Variants in GLIS3 observed in about 807,000 individuals in gnomAD.
GLIS3 encodes the protein GLIS family zinc finger 3.
In GLIS3, 53 loss-of-function variants were observed where a neutral mutation model predicts 78.6. That is an observed-to-expected ratio of 0.67 (90% CI 0.54 to 0.85). GLIS3 has a LOEUF of 0.85. Among genes scored for constraint, GLIS3 ranks in the 40% least tolerant of loss-of-function variants. The pLI is 0.00. For missense variants in GLIS3, 1,703 were observed against 1,231.1 expected (o/e 1.38, Z -5.74); for synonymous variants, 684 against 509.9 (o/e 1.34, Z -4.60).
chr9:4,455,045 C>T, the GLIS3 span, among the ~76,000 whole-genome samples: 1 of 151,950 alleles, frequency 6.6e-6, no homozygotes, highest in African/African-American at 2.4e-5. Flanking sequence ...TACCTTTTTC[C>T]AGAGTCCTGG....
At chr9:4,208,266 C>A (rs542214527) in intron 2 of GLIS3, among the ~76,000 whole-genome samples, 2 of 152,314 alleles carry the variant, frequency 1.3e-5, no homozygotes, top group Middle Eastern at 6.8e-3. Context: ...CAAAGGAGAT[C>A]TGATAATTAA....
chr9:4,136,177 G>A (rs901730687), intron 2 of GLIS3, among the ~76,000 whole-genome samples: 7 of 152,132 alleles, frequency 4.6e-5, no homozygotes, highest in African/African-American at 9.7e-5. Context: ...CCTCCATGGC[G>A]CTCACAACCT....
intron 2 of GLIS3, among the ~76,000 whole-genome samples, chr9:4,315,902 G>T (rs780804906): frequency 1.3e-5 from 2 of 152,114 alleles, no homozygotes; most frequent in African/African-American, 4.8e-5. Flanking sequence ...CAGATATCTC[G>T]TATTACCTCT....
chr9:3,860,696 T>C (rs1157821832), intron 8 of GLIS3, among the ~76,000 whole-genome samples: 1 of 152,112 alleles, frequency 6.6e-6, no homozygotes, highest in Non-Finnish European at 1.5e-5. Flanking sequence ...ACTAGCTGGG[T>C]AAACAAGTAA....
intron 4 of GLIS3, among the ~76,000 whole-genome samples, chr9:4,093,672 G>C (rs564018530): frequency 6.6e-6 from 1 of 152,288 alleles, no homozygotes; most frequent in Non-Finnish European, 1.5e-5. Context: ...CTTATCACAG[G>C]ACAAGGCACC....
chr9:4,068,897 C>A (rs538300938), intron 4 of GLIS3, among the ~76,000 whole-genome samples: 1 of 151,318 alleles, frequency 6.6e-6, no homozygotes, highest in South Asian at 2.1e-4. Context: ...CACACTTGGG[C>A]AATAAATCCT....
chr9:4,453,845 T>C, the GLIS3 span, among the ~76,000 whole-genome samples: 2 of 151,626 alleles, frequency 1.3e-5, no homozygotes, highest in Admixed American at 6.6e-5. Context: ...CGGGGGCTTG[T>C]CATGGGGTGG....
At chr9:4,433,235 C>G in the GLIS3 span, among the ~76,000 whole-genome samples, 1 of 152,118 alleles carries the variant, frequency 6.6e-6, no homozygotes, top group Non-Finnish European at 1.5e-5. Flanking sequence ...AGTTTGAGAC[C>G]AGCCTGGCCA....
At chr9:4,021,258 G>A (rs1249044694) in intron 4 of GLIS3, among the ~76,000 whole-genome samples, 2 of 152,054 alleles carry the variant, frequency 1.3e-5, no homozygotes, top group African/African-American at 4.8e-5. Context: ...CACATAATGT[G>A]GGCTATCAAA....
chr9:4,058,450 A>T (rs112848683), intron 4 of GLIS3, among the ~76,000 whole-genome samples: 2,356 of 76,498 alleles, frequency 0.031, 59 homozygotes, highest in African/African-American at 0.074. Context: ...TCCCCTATTT[A>T]AAAAAAAAAA....
intron 1 of GLIS3, among the ~76,000 whole-genome samples, chr9:4,287,539 C>G (rs559967902): frequency 1.3e-5 from 2 of 152,326 alleles, no homozygotes; most frequent in African/African-American, 4.8e-5. Flanking sequence ...GTATTATAGA[C>G]ACTGTCACAA....
At position 4,117,825 on chromosome 9, in the gene GLIS3, G is replaced by A. The variant is rs147451000; in HGVS notation, c.1653C>T (p.Arg551=). The A allele has an allele frequency of 1.9e-6, 3 of 1,614,204 alleles. No homozygotes were observed. Among genetic ancestry groups the A allele is most frequent in the Non-Finnish European group, 2.5e-6 (3 of 1,180,038 alleles). Residue 551 remains arginine, a synonymous_variant, in exon 4 of 11, where the codon CGC becomes CGT. Transcript: ENST00000381971. ...CTCTCATGTGGATCAGCAGTTTATA[G>A]CGGGCGTTGAAGGGCTTGTATCTTC... is the stretch of plus-strand genomic sequence containing the variant. The part of the protein sequence containing the change: ...CPRRYKPFNA[R]YKLLIHMRVH...
the GLIS3 span, among the ~76,000 whole-genome samples, chr9:4,435,623 G>C: frequency 6.6e-6 from 1 of 152,202 alleles, no homozygotes; most frequent in Non-Finnish European, 1.5e-5. Flanking sequence ...TTAAATCTCT[G>C]CAAAGAAAGC....
chr9:4,454,195 G>A, the GLIS3 span, among the ~76,000 whole-genome samples: 3 of 151,240 alleles, frequency 2.0e-5, no homozygotes, highest in South Asian at 6.3e-4. Flanking sequence ...ACCAGAGACA[G>A]GGTATCCCTT....
At position 3,829,405 on chromosome 9, in the gene GLIS3, A is replaced by C. The variant is rs755448263; in HGVS notation, c.2561T>G (p.Val854Gly). Residue 854 changes from valine (V) to glycine (G), a missense_variant, in exon 10 of 11, where the codon GTG becomes GGG. Val to Gly is a moderately radical substitution (Grantham distance 109). Transcript: ENST00000381971. ...GACTAGGCAGTCCTCAAACGAAGGC[A>C]CCACACTGCAGGAGCTGACAGGCGG... ...IVPPVSSCSV[V>G]PSFEDCLVPT... The C allele has an allele frequency of 6.2e-7, 1 of 1,614,126 alleles. No individual in the cohort carries two copies. Among genetic ancestry groups the C allele is most frequent in the Admixed American group, 1.7e-5 (1 of 60,022 alleles).
intron 4 of GLIS3, among the ~76,000 whole-genome samples, chr9:4,006,205 T>G (rs1224185677): frequency 6.6e-6 from 1 of 151,794 alleles, no homozygotes; most frequent in East Asian, 1.9e-4. Flanking sequence ...TAAACTCTCT[T>G]TTTCACGCTC....
At chr9:4,149,740 T>TA (rs1834520623) in intron 2 of GLIS3, among the ~76,000 whole-genome samples, 2 of 152,160 alleles carry the variant, frequency 1.3e-5, no homozygotes, top group Non-Finnish European at 2.9e-5. Context: ...ATTCAGGAGT[T>TA]AAAAACTGCA....
intron 2 of GLIS3, among the ~76,000 whole-genome samples, chr9:4,166,848 C>G (rs1449364958): frequency 1.3e-5 from 2 of 152,188 alleles, no homozygotes; most frequent in African/African-American, 4.8e-5. Context: ...GTAGAGACAG[C>G]CAAGTCTTCC....
chr9:4,331,207 C>G (rs1012043524), intron 2 of GLIS3, among the ~76,000 whole-genome samples: 1 of 152,174 alleles, frequency 6.6e-6, no homozygotes, highest in African/African-American at 2.4e-5. Context: ...CTTCCAGCTT[C>G]TAAAGGTCAC....
Sources: allele counts gnomAD v4.1 joint callset (sites outside exome capture counted in the v4.1 genomes callset), GRCh38; gene constraint gnomAD v4.1.1; transcripts MANE v1.5; gene names NCBI Gene and HGNC (gene_info 2026-07-23, HGNC 2026-07-21).